JMY: variants seen among roughly 807,000 people sequenced by gnomAD.
JMY encodes junction-mediating and -regulatory protein.
JMY carries 46 observed loss-of-function variants against 103.3 expected under a neutral mutation model. That is an observed-to-expected ratio of 0.45 (90% CI 0.35 to 0.57). The LOEUF is 0.57. Among genes scored for constraint, JMY ranks in the 20% least tolerant of loss-of-function variants. The pLI is 0.00. For missense variants in JMY, 1,238 were observed against 1,255.2 expected (o/e 0.99, Z 0.21); for synonymous variants, 526 against 489.3 (o/e 1.07, Z -0.99).
chr5:79,323,827 A>AGTGGAGG lies in JMY; in HGVS notation c.*2236_*2242dup. On this transcript the variant is annotated 3_prime_UTR_variant, in exon 11 of 11. Transcript: ENST00000396137. ...CTGTAATCATAAGTCTCTAGCAAAGAGTGGAGGGTGGAGGGTGTGTAGAAC... is the reference window on the plus strand; with the variant it reads ...CTGTAATCATAAGTCTCTAGCAAAGAGTGGAGGGTGGAGGGTGGAGGGTGTGTAGAAC... 1 of 152,262 alleles carries AGTGGAGG rather than the reference A, an allele frequency of 6.6e-6. No individual in the cohort carries two copies. The highest frequency in any genetic ancestry group is 1.5e-5 in the Non-Finnish European group (1 of 68,022). The allele number at this position is 152,262 out of a possible 1,614,324, so 9.4% of individuals were successfully genotyped here. A position where few individuals can be genotyped will look rare whatever the true frequency, so the allele number is the denominator to read the frequency against.
At chr5:79,251,321 T>A (rs1247630290) in intron 1 of JMY, among the ~76,000 whole-genome samples, 1 of 152,112 alleles carries the variant, frequency 6.6e-6, no homozygotes, top group African/African-American at 2.4e-5. Flanking sequence ...AGCCTCAACC[T>A]CCTAGGCTCA....
intron 1 of JMY, among the ~76,000 whole-genome samples, chr5:79,260,377 C>G (rs1745385490): frequency 6.6e-6 from 1 of 152,176 alleles, no homozygotes; most frequent in Non-Finnish European, 1.5e-5. Context: ...CCGCTTATGC[C>G]TCCCCACTGC....
chr5:79,244,028 G>A (rs1580325057), intron 1 of JMY, among the ~76,000 whole-genome samples: 1 of 149,914 alleles, frequency 6.7e-6, no homozygotes, highest in South Asian at 2.1e-4. Flanking sequence ...TTTGAGACAG[G>A]CTTGCTCTGT....
Position 79,237,514 on chromosome 5 carries a change from G to T in JMY, c.864G>T (p.Gln288His). The change falls in exon 1 of 11, where the codon CAG (glutamine) becomes CAT (histidine). Residue 288 changes from glutamine (Q) to histidine (H), a missense_variant. Gln to His is a conservative substitution (Grantham distance 24). Transcript: ENST00000396137. ...AGGAAATCGACACTCTGTGTTACCA[G>T]CTCCAGGTCTACCTGGGCCACGGCC... ...TEQEIDTLCY[Q>H]LQVYLGHGLD... 1 of 1,613,808 alleles carries T rather than the reference G, an allele frequency of 6.2e-7. No individual in the cohort carries two copies. Among genetic ancestry groups the T allele is most frequent in the Non-Finnish European group, 8.5e-7 (1 of 1,180,026 alleles).
intron 1 of JMY, among the ~76,000 whole-genome samples, chr5:79,259,158 T>G (rs1745342807): frequency 6.6e-6 from 1 of 152,026 alleles, no homozygotes; most frequent in Non-Finnish European, 1.5e-5. Flanking sequence ...GAGGGTAGCT[T>G]TTCTCTGCTG....
intron 3 of JMY, 92 bp from the exon 4 acceptor site, chr5:79,291,038 G>C: frequency 1.2e-6 from 1 of 865,436 alleles, no homozygotes; most frequent in Non-Finnish European, 1.7e-6. Context: ...AGCAGGATTT[G>C]TTTCTCTTTG....
rs1390140398 is a variant in JMY at position 79,308,714 on chromosome 5, CTTCT to C, written c.1968+2256_1968+2259del. Among the ~76,000 whole-genome samples the C allele has an allele frequency of 3.3e-5, 5 of 150,976 alleles. No homozygotes were observed. In the South Asian group the frequency reaches 6.2e-4, roughly 19 times the overall value. Reference sequence around the variant, plus strand: ...TTGTTTTTTTCATTTTAAAATACTTCTTCTTTTAGTTTTTTTGCTTTTTAATTAT... The same window carrying C: ...TTGTTTTTTTCATTTTAAAATACTTCTTTAGTTTTTTTGCTTTTTAATTAT... On this transcript the variant is annotated intron_variant, in intron 7 of 10. Coordinates refer to ENST00000396137, the MANE Select transcript of JMY (RefSeq NM_152405.5).
At chr5:79,252,639 C>T (rs1166142782) in intron 1 of JMY, among the ~76,000 whole-genome samples, 2 of 152,062 alleles carry the variant, frequency 1.3e-5, no homozygotes, top group Non-Finnish European at 2.9e-5. Flanking sequence ...TCTGGGTGCT[C>T]CAGTGTTAGG....
At chr5:79,273,875 T>G (rs1376512202) in intron 1 of JMY, among the ~76,000 whole-genome samples, 1 of 152,058 alleles carries the variant, frequency 6.6e-6, no homozygotes, top group East Asian at 1.9e-4. Context: ...CTGTTGCCCA[T>G]CCTGGAGTGC....
chr5:79,242,221 G>A (rs1228860035), intron 1 of JMY, among the ~76,000 whole-genome samples: 1 of 152,206 alleles, frequency 6.6e-6, no homozygotes, highest in Non-Finnish European at 1.5e-5. Context: ...AGCCTGTTGA[G>A]TGAGTGGAGT....
intron 7 of JMY, among the ~76,000 whole-genome samples, chr5:79,310,816 T>A (rs1485319267): frequency 6.6e-6 from 1 of 152,208 alleles, no homozygotes; most frequent in Non-Finnish European, 1.5e-5. Context: ...TGAACTCTTA[T>A]TTTTTGTAAG....
intron 1 of JMY, among the ~76,000 whole-genome samples, chr5:79,239,481 T>A (rs1381513039): frequency 6.6e-6 from 1 of 152,180 alleles, no homozygotes; most frequent in Non-Finnish European, 1.5e-5. Flanking sequence ...TGAATGGGCC[T>A]GTCTGATTGT....
chr5:79,256,228 C>T (rs1320643444), intron 1 of JMY, among the ~76,000 whole-genome samples: 1 of 152,218 alleles, frequency 6.6e-6, no homozygotes, highest in Non-Finnish European at 1.5e-5. Flanking sequence ...GGAGTACTGG[C>T]AGACTGCTGC....
At chr5:79,249,903 C>T (rs983125041) in intron 1 of JMY, among the ~76,000 whole-genome samples, 2 of 152,100 alleles carry the variant, frequency 1.3e-5, no homozygotes, top group Non-Finnish European at 2.9e-5. Context: ...TTCTACTTTC[C>T]ACTAGCTTAA....
chr5:79,314,847 G>T lies in JMY; in HGVS notation c.2655G>T (p.Arg885Ser). Residue 885 changes from arginine (R) to serine (S), a missense_variant, in exon 9 of 11, where the codon AGG (arginine) becomes AGT (serine). Arg to Ser is a moderately radical substitution (Grantham distance 110, BLOSUM62 -1). Coordinates refer to ENST00000396137, the MANE Select transcript of JMY (RefSeq NM_152405.5). ...LRKTAEGLQR[R>S]RVSSPMDEVL... ...AGACTGCTGAAGGTTTGCAGAGGAG[G>T]AGAGGTACGTCAACATATTTTCATG... 1.9e-6 allele frequency: 3 copies of T among 1,558,386 alleles called. No individual in the cohort carries two copies. The South Asian group carries it at 3.7e-5, about 19-fold the overall frequency.
At chr5:79,254,192 C>T (rs1200404370) in intron 1 of JMY, among the ~76,000 whole-genome samples, 1 of 151,244 alleles carries the variant, frequency 6.6e-6, no homozygotes, top group Non-Finnish European at 1.5e-5. Flanking sequence ...TGACCTCGTT[C>T]GTGATCTGCC....
At chr5:79,270,031 C>T (rs1745697838) in intron 1 of JMY, among the ~76,000 whole-genome samples, 1 of 152,010 alleles carries the variant, frequency 6.6e-6, no homozygotes. Context: ...TGCACCTGGC[C>T]TGGAGGAGTG....
At chr5:79,298,996 C>CA (rs1746651745) in intron 4 of JMY, among the ~76,000 whole-genome samples, 1 of 151,926 alleles carries the variant, frequency 6.6e-6, no homozygotes, top group African/African-American at 2.4e-5. Context: ...TGTCCCTGTA[C>CA]AGCCAGTCAA....
At chr5:79,258,297 C>CT (rs1225930409) in intron 1 of JMY, among the ~76,000 whole-genome samples, 5 of 139,460 alleles carry the variant, frequency 3.6e-5, no homozygotes, top group South Asian at 2.4e-4. Flanking sequence ...GATATTAGGG[C>CT]TTTTTTTGTT....
Sources: gnomAD v4.1 joint callset for allele counts (sites outside exome capture counted in the v4.1 genomes callset) on GRCh38, gnomAD v4.1.1 for gene constraint, MANE v1.5 for transcripts, NCBI Gene and HGNC (gene_info 2026-07-23, HGNC 2026-07-21) for gene names.